The following PSD3 variants were observed in gnomAD, a reference collection of about 807,000 sequenced individuals.
PSD3 encodes the protein pleckstrin and Sec7 domain containing 3, also known as PH and SEC7 domain-containing protein 3.
In PSD3, 49 loss-of-function variants were observed where a neutral mutation model predicts 105.5. The ratio of observed to expected loss-of-function variants is 0.46; its 90% confidence interval spans 0.37 to 0.59. PSD3 has a LOEUF of 0.59. Ranked by LOEUF, PSD3 falls within the 20% of genes least tolerant of loss-of-function variation. The pLI is 0.00. For missense variants in PSD3, 1,561 were observed against 1,263.8 expected, an observed-to-expected ratio of 1.24 and a Z score of -3.57; for synonymous variants, 557 against 457.8, an observed-to-expected ratio of 1.22 and a Z score of -2.77.
At chr8:18,573,370 T>C (rs1802268900) in intron 13 of PSD3, among the ~76,000 whole-genome samples, 1 of 152,124 alleles carries the variant, frequency 6.6e-6, no homozygotes, top group Non-Finnish European at 1.5e-5. Context: ...CTTGGGAGGC[T>C]GAGGCAGGAG....
At position 18,895,926 on chromosome 8, in the gene PSD3, T is replaced by A. The variant is rs183276667; in HGVS notation, c.131-23193A>T. 7.0e-3 allele frequency among the ~76,000 whole-genome samples: 1,070 copies of A among 152,362 alleles called. 4 individuals carry two copies. Among genetic ancestry groups the A allele is most frequent in the Middle Eastern group, 0.02 (6 of 294 alleles). ...CATCCTAGCTAGCTGTACCTTTGTA[T>A]CCTGTATCCGTTAACTAACCTTTGG... On this transcript the variant is annotated intron_variant, in intron 2 of 15. Transcript: ENST00000327040.
intron 1 of PSD3, among the ~76,000 whole-genome samples, chr8:18,992,872 G>C (rs528988018): frequency 6.7e-6 from 1 of 149,340 alleles, no homozygotes; most frequent in South Asian, 2.1e-4. Flanking sequence ...GTCCGTCTGA[G>C]CTCTGATATT....
intron 1 of PSD3, among the ~76,000 whole-genome samples, chr8:18,961,396 A>G (rs1418502560): frequency 2.0e-5 from 3 of 152,214 alleles, no homozygotes; most frequent in African/African-American, 2.4e-5. Flanking sequence ...CCATAAAAAT[A>G]AATATATGCA....
At chr8:18,870,896 T>C (rs1388076369) in intron 3 of PSD3, among the ~76,000 whole-genome samples, 1 of 152,028 alleles carries the variant, frequency 6.6e-6, no homozygotes, top group Non-Finnish European at 1.5e-5. Context: ...TGCGAGGAGT[T>C]TGAAACAGCC....
At chr8:18,589,099 A>G (rs1028380996) in intron 12 of PSD3, among the ~76,000 whole-genome samples, 3 of 152,206 alleles carry the variant, frequency 2.0e-5, no homozygotes, top group Non-Finnish European at 2.9e-5. Flanking sequence ...TTCCTTGCAG[A>G]GACAAAGGTA....
chr8:18,795,541 C>T (rs1196989721), intron 8 of PSD3, among the ~76,000 whole-genome samples: 2 of 152,236 alleles, frequency 1.3e-5, no homozygotes, highest in Non-Finnish European at 2.9e-5. Flanking sequence ...CTTGGCCAGC[C>T]ACTGACTTGT....
At chr8:19,020,148 G>A (rs866427339) in intron 1 of PSD3, among the ~76,000 whole-genome samples, 15 of 152,080 alleles carry the variant, frequency 9.9e-5, no homozygotes, top group Non-Finnish European at 2.2e-4. Flanking sequence ...TGACTCTAGC[G>A]GAGCACAAAG....
At chr8:18,811,320 C>T (rs1051250870) in intron 4 of PSD3, among the ~76,000 whole-genome samples, 9 of 152,140 alleles carry the variant, frequency 5.9e-5, no homozygotes, top group Non-Finnish European at 1.3e-4. Flanking sequence ...TTGCTCCTGC[C>T]AGTCATCTTC....
intron 14 of PSD3, among the ~76,000 whole-genome samples, chr8:18,565,797 A>G (rs1279928361): frequency 6.6e-6 from 1 of 152,054 alleles, no homozygotes; most frequent in Non-Finnish European, 1.5e-5. Flanking sequence ...GTGGTTCTCA[A>G]TAGGAGTGGG....
chr8:18,697,568 A>G (rs1801330857), intron 9 of PSD3, among the ~76,000 whole-genome samples: 1 of 152,188 alleles, frequency 6.6e-6, no homozygotes, highest in Admixed American at 6.5e-5. Context: ...TATATTCTAG[A>G]ACATTATTGT....
At chr8:18,623,446 CCCAA>C (rs1246406915) in intron 11 of PSD3, among the ~76,000 whole-genome samples, 4 of 57,072 alleles carry the variant, frequency 7.0e-5, no homozygotes, top group African/African-American at 3.1e-4. Flanking sequence ...CCCCCGTCTC[CCCAA>C]AAAAAAAAAA....
intron 9 of PSD3, among the ~76,000 whole-genome samples, chr8:18,711,106 C>T (rs189488239): frequency 2.6e-5 from 4 of 152,260 alleles, no homozygotes; most frequent in South Asian, 4.2e-4. Context: ...TTCATCACCA[C>T]CAGACCTGCC....
Position 18,872,291 on chromosome 8 carries a change from T to C in PSD3, c.573A>G (p.Gln191=). ...QRVNKTLPAG[Q]KNLPEIPLSA... is the part of the protein sequence containing the mutation. ...AAAGAGGTATTTCTGGTAAATTTTT[T>C]TGGCCAGCAGGGAGCGTTTTGTTGA... The change falls in exon 3 of 16, where the codon CAA becomes CAG. Residue 191 remains glutamine (Q), a synonymous_variant. Transcript: ENST00000327040. 1.2e-6 allele frequency: 2 copies of C among 1,614,216 alleles called. No individual in the cohort carries two copies. Among genetic ancestry groups the C allele is most frequent in the Non-Finnish European group, 1.7e-6 (2 of 1,180,018 alleles).
At chr8:18,705,330 T>G (rs1801823932) in intron 9 of PSD3, among the ~76,000 whole-genome samples, 1 of 151,932 alleles carries the variant, frequency 6.6e-6, no homozygotes, top group Non-Finnish European at 1.5e-5. Context: ...TAGTTCGAGA[T>G]CAGCCAGGGC....
chr8:19,026,701 C>CAAAAAAAA (rs10669321), intron 1 of PSD3, among the ~76,000 whole-genome samples: 30 of 82,204 alleles, frequency 3.6e-4, no homozygotes, highest in Non-Finnish European at 5.0e-4. Flanking sequence ...CACATCTCTA[C>CAAAAAAAA]AAAAAAAAAA....
intron 4 of PSD3, chr8:18,865,265 TATATATATATATATATATA>T (rs1563360375): frequency 0.033 from 254 of 7,644 alleles, 40 homozygotes; most frequent in Non-Finnish European, 0.041. Context: ...TATATATATA[TATATATATATATATATATA>T]TATTTTTTTT....
chr8:19,005,633 C>G (rs188664733), intron 1 of PSD3, among the ~76,000 whole-genome samples: 1 of 151,882 alleles, frequency 6.6e-6, no homozygotes, highest in Admixed American at 6.6e-5. Context: ...TACAGGCACA[C>G]ATCACCATGC....
intron 1 of PSD3, among the ~76,000 whole-genome samples, chr8:18,975,314 A>T (rs1041247301): frequency 6.9e-6 from 1 of 144,314 alleles, no homozygotes; most frequent in African/African-American, 2.6e-5. Context: ...ATTTTCTGAA[A>T]TTTTTTTTTT....
chr8:19,032,255 C>A (rs1203313409), intron 1 of PSD3, among the ~76,000 whole-genome samples: 27 of 110,694 alleles, frequency 2.4e-4, no homozygotes, highest in Non-Finnish European at 5.2e-4. Context: ...ACTTGCACTA[C>A]CCCCCAACAA....
Sources: gnomAD v4.1 joint callset for allele counts (sites outside exome capture counted in the v4.1 genomes callset) on GRCh38, gnomAD v4.1.1 for gene constraint, MANE v1.5 for transcripts, NCBI Gene and HGNC (gene_info 2026-07-23, HGNC 2026-07-21) for gene names.